Variants in RAB5IF observed in about 807,000 individuals in gnomAD.
The protein encoded by RAB5IF is RAB5 interacting factor.
RAB5IF carries 15 observed loss-of-function variants against 20.3 expected under a neutral mutation model. The observed-to-expected ratio is 0.74, with a 90% confidence interval of 0.50 to 1.14. The LOEUF is 1.14. Ranked by LOEUF, RAB5IF falls within the 50% of genes most tolerant of loss-of-function variation. The probability of loss-of-function intolerance (pLI) is 0.00; values close to 1 mark genes in which losing one functional copy is unlikely to be tolerated. For missense variants in RAB5IF, 148 were observed against 159.5 expected (o/e 0.93, Z 0.39); for synonymous variants, 67 against 63.7 (o/e 1.05, Z -0.25).
chr20:36,609,898 T>G, intron 3 of RAB5IF, 168 bp downstream of exon 3: 1 of 1,141,848 alleles, frequency 8.8e-7, no homozygotes, highest in South Asian at 1.4e-5. Context: ...CCAGAAGATG[T>G]GGTCTGATAT....
At chr20:36,606,805 A>C (rs1045886613) in intron 1 of RAB5IF, among the ~76,000 whole-genome samples, 2 of 152,190 alleles carry the variant, frequency 1.3e-5, no homozygotes, top group Non-Finnish European at 2.9e-5. Flanking sequence ...GGGCCATCAC[A>C]AACAGCTTGA....
chr20:36,609,882 C>G (rs2039066942), intron 3 of RAB5IF, 152 bp downstream of exon 3: 1 of 1,358,398 alleles, frequency 7.4e-7, no homozygotes, highest in Non-Finnish European at 1.0e-6. Context: ...TGTGTTGAGC[C>G]ACATCCCAGA....
At chr20:36,608,294 G>A (rs1023178998) in intron 2 of RAB5IF, 1 of 226,438 alleles carries the variant, frequency 4.4e-6, no homozygotes, top group African/African-American at 2.3e-5. Flanking sequence ...GCCCAGGTGG[G>A]AGCACACTGG....
At chr20:36,607,839 A>G (rs776056812) in intron 2 of RAB5IF, 21 bp downstream of exon 2, 2 of 1,612,568 alleles carry the variant, frequency 1.2e-6, no homozygotes, top group Non-Finnish European at 1.7e-6. Flanking sequence ...GGTATCTTAT[A>G]TTTTCATGGT....
Position 36,607,750 on chromosome 20 carries a change from G to A in RAB5IF, c.150G>A (p.Gln50=), listed in dbSNP as rs1310694192. The A allele has an allele frequency of 3.1e-6, 5 of 1,613,992 alleles. No individual in the cohort carries two copies. The highest frequency in any genetic ancestry group is 1.1e-5 in the South Asian group (1 of 91,094). The change falls in exon 2 of 4, where the codon CAG becomes CAA. Residue 50 remains glutamine (Q), a synonymous_variant. Coordinates refer to ENST00000344795, the MANE Select transcript of RAB5IF (RefSeq NM_018840.5). ...TAGATGTGATCTACTGGTTCCGACA[G>A]ATCATTGCTGTGGTCCTGGGTGTCA... ...EFLDVIYWFR[Q]IIAVVLGVIW...
chr20:36,607,664 T>C, intron 1 of RAB5IF, 51 bp from the exon 2 acceptor site: 4 of 1,607,398 alleles, frequency 2.5e-6, no homozygotes, highest in Non-Finnish European at 3.4e-6. Context: ...CCTTTTGCTG[T>C]CTTGTGGCAC....
chr20:36,607,946 C>T (rs1486984770), intron 2 of RAB5IF, 128 bp downstream of exon 2: 6 of 1,521,208 alleles, frequency 3.9e-6, no homozygotes, highest in Non-Finnish European at 5.3e-6. Flanking sequence ...AGCAAAGAAG[C>T]AGCCCTACAG....
intron 2 of RAB5IF, 123 bp from the exon 3 acceptor site, chr20:36,609,478 G>A (rs1163546770): frequency 3.0e-5 from 42 of 1,388,986 alleles, no homozygotes; most frequent in Non-Finnish European, 3.6e-5. Context: ...GACCGCAAGT[G>A]ATCCGCCCAC....
At chr20:36,609,190 CA>C in intron 2 of RAB5IF, among the ~76,000 whole-genome samples, 1 of 52,140 alleles carries the variant, frequency 1.9e-5, no homozygotes. Context: ...CACACACACA[CA>C]CACGCACACA....
Position 36,608,442 on chromosome 20 carries a change from T to C in RAB5IF, c.218+624T>C, listed in dbSNP as rs183158869. Reference sequence around the variant, plus strand: ...AAAAATTTTGTAGAGACAAGGTTTCTCTACATTTCCCAGGCTGGTCTTGAA... The same window carrying C: ...AAAAATTTTGTAGAGACAAGGTTTCCCTACATTTCCCAGGCTGGTCTTGAA... On this transcript the variant is annotated intron_variant, in intron 2 of 3. Transcript: ENST00000344795. Among the ~76,000 whole-genome samples, 5 of 152,100 alleles carry C rather than the reference T, an allele frequency of 3.3e-5. No homozygotes were observed. The East Asian group carries it at 7.7e-4, about 23-fold the overall frequency.
chr20:36,612,155 G>A lies in RAB5IF; in HGVS notation c.*104G>A. 1 of 1,614,204 alleles carries A rather than the reference G, an allele frequency of 6.2e-7. No individual in the cohort carries two copies. Among genetic ancestry groups the A allele is most frequent in the Non-Finnish European group, 8.5e-7 (1 of 1,180,014 alleles). Reference sequence around the variant, plus strand: ...AACCCCAGCCCCTTGGAACTTGGAAGACCCGTGTTTCCTGGACCGCGAATC... The same window carrying A: ...AACCCCAGCCCCTTGGAACTTGGAAAACCCGTGTTTCCTGGACCGCGAATC... On this transcript the variant is annotated 3_prime_UTR_variant, in exon 4 of 4. Transcript: ENST00000344795.
chr20:36,608,100 TG>T (rs2038978266), intron 2 of RAB5IF: 1 of 556,126 alleles, frequency 1.8e-6, no homozygotes, highest in African/African-American at 2.0e-5. Flanking sequence ...TACTTGTTCG[TG>T]GCATGCACTC....
At chr20:36,609,795 G>A (rs770814454) in intron 3 of RAB5IF, 65 bp downstream of exon 3, 9 of 1,613,610 alleles carry the variant, frequency 5.6e-6, no homozygotes, top group Non-Finnish European at 5.9e-6. Context: ...TCACAGGAGG[G>A]GACCCCACTG....
At chr20:36,608,205 A>G (rs531930376) in intron 2 of RAB5IF, 3 of 326,468 alleles carry the variant, frequency 9.2e-6, no homozygotes, top group African/African-American at 2.1e-5. Flanking sequence ...ACAGTGCTTA[A>G]TGTCCTAAAC....
chr20:36,610,064 C>T (rs1229822666), intron 3 of RAB5IF, among the ~76,000 whole-genome samples: 2 of 152,194 alleles, frequency 1.3e-5, no homozygotes, highest in African/African-American at 2.4e-5. Flanking sequence ...AGGAGGATCA[C>T]CTGAGGTCAG....
intron 2 of RAB5IF, among the ~76,000 whole-genome samples, chr20:36,608,824 C>T (rs544311339): frequency 2.1e-4 from 32 of 151,962 alleles, no homozygotes; most frequent in Non-Finnish European, 4.0e-4. Context: ...CTTGGCCTCC[C>T]AAAGTGCTGG....
chr20:36,609,526 C>T, intron 2 of RAB5IF, 75 bp from the exon 3 acceptor site: 1 of 1,510,062 alleles, frequency 6.6e-7, no homozygotes, highest in South Asian at 1.3e-5. Context: ...AGGTGTGAGC[C>T]ACCACACCCG....
intron 2 of RAB5IF, 110 bp from the exon 3 acceptor site, chr20:36,609,491 C>T (rs1600805624): frequency 1.4e-6 from 2 of 1,442,764 alleles, no homozygotes; most frequent in East Asian, 2.5e-5. Context: ...CCGCCCACCT[C>T]AGCCTCCCAA....
Position 36,610,572 on chromosome 20 carries a change from G to A in RAB5IF, c.348+842G>A, listed in dbSNP as rs184140909. Among the ~76,000 whole-genome samples the A allele has an allele frequency of 6.6e-5, 10 of 152,192 alleles. No individual in the cohort carries two copies. The East Asian group carries it at 1.9e-3, about 29-fold the overall frequency. ...TAGCTGGGCATGGTGGCGGGCGCCTGTAGTCCCAGCTACTTGGGAGGCTGA... is the reference window on the plus strand; with the variant it reads ...TAGCTGGGCATGGTGGCGGGCGCCTATAGTCCCAGCTACTTGGGAGGCTGA... On this transcript the variant is annotated intron_variant, in intron 3 of 3. Transcript: ENST00000344795.
Sources: allele counts gnomAD v4.1 joint callset (sites outside exome capture counted in the v4.1 genomes callset), GRCh38; gene constraint gnomAD v4.1.1; transcripts MANE v1.5; gene names NCBI Gene and HGNC (gene_info 2026-07-23, HGNC 2026-07-21).